Variants in SFTPA2 observed in about 807,000 individuals in gnomAD.
SFTPA2 encodes surfactant protein A2.
In SFTPA2, 21 loss-of-function variants were observed where a neutral mutation model predicts 20.3. The ratio of observed to expected loss-of-function variants is 1.03; its 90% CI spans 0.73 to 1.49. The LOEUF (loss-of-function observed/expected upper bound fraction) is 1.49, where lower values mean the gene tolerates loss of function less well. Ranked by LOEUF, SFTPA2 falls within the 40% of genes most tolerant of loss-of-function variation. The pLI, the probability that SFTPA2 is intolerant of heterozygous loss-of-function variation, is 0.00. For missense variants in SFTPA2, 302 were observed against 314.8 expected (o/e 0.96, Z 0.31); for synonymous variants, 116 against 118.7 (o/e 0.98, Z 0.15).
At position 79,560,373 on chromosome 10, in the gene SFTPA2, G is replaced by C. The variant is rs533230556; in HGVS notation, c.-63C>G. 3 of 152,390 alleles carry C rather than the reference G, an allele frequency of 2.0e-5. No homozygotes were observed. The highest frequency in any genetic ancestry group is 4.4e-5 in the Non-Finnish European group (3 of 68,232). The allele number at this position is 152,390 out of a possible 1,614,324, so 9.4% of individuals were successfully genotyped here. On this transcript the variant is annotated 5_prime_UTR_variant, in exon 1 of 6. Transcript: ENST00000372325. The stretch of plus-strand genomic sequence containing the variant: ...ATGTGGCTAAACTCACCCACACACA[G>C]AGCCTCCAGCTGCTTGGGTCTCTGC...
intron 1 of SFTPA2, 87 bp downstream of exon 1, chr10:79,560,277 C>T (rs901049364): frequency 1.9e-5 from 3 of 154,630 alleles, no homozygotes; most frequent in African/African-American, 7.2e-5. Flanking sequence ...CAACCTGGGC[C>T]TTGGTCAGGC....
chr10:79,559,429 C>T lies in SFTPA2; in HGVS notation c.55G>A (p.Ala19Thr). The T allele has an allele frequency of 6.2e-7, 1 of 1,613,668 alleles. No individual in the cohort carries two copies. The highest frequency in any genetic ancestry group is 1.3e-5 in the African/African-American group (1 of 74,940). Residue 19 changes from alanine to threonine, a missense_variant, in exon 3 of 6, where the codon GCG becomes ACG. Physicochemically the swap from Ala to Thr is moderately conservative, Grantham distance 58. This residue lies in a region of SFTPA2 where 31 missense variants were observed against 29.8 expected (regional missense o/e 1.04). Transcript: ENST00000372325. ...TLILMAASGA[A>T]CEVKDVCVGS... Reference sequence around the variant, plus strand: ...ACACAAACGTCCTTCACTTCGCACGCAGCACCAGAGGCTGCCATCAAGATG... The same window carrying T: ...ACACAAACGTCCTTCACTTCGCACGTAGCACCAGAGGCTGCCATCAAGATG...
Position 79,556,936 on chromosome 10 carries a change from C to T in SFTPA2, c.*273G>A, listed in dbSNP as rs549206934. ...CTGGACCAGATGGGGAATAAGGAGG[C>T]CTCCATCTCATGCCAAAGGCCAAGG... On this transcript the variant is annotated 3_prime_UTR_variant, in exon 6 of 6. Transcript: ENST00000372325. The T allele has an allele frequency of 1.8e-6, 1 of 550,524 alleles. No individual in the cohort carries two copies. The highest frequency in any genetic ancestry group is 3.2e-6 in the Non-Finnish European group (1 of 309,798). The allele number at this position is 550,524 out of a possible 1,614,324, so 34.1% of individuals were successfully genotyped here. A position where few individuals can be genotyped will look rare whatever the true frequency, so the allele number is the denominator to read the frequency against.
In SFTPA2 at chr10:79,560,038, C is replaced by CCCCA. The variant is rs1317026217; in HGVS notation, c.-53-41_-53-40insTGGG. The CCCCA allele has an allele frequency of 3.6e-6, 4 of 1,098,820 alleles. No homozygotes were observed. In the African/African-American group the frequency reaches 6.5e-5, roughly 18 times the overall value. 68.1% of individuals were successfully genotyped at this position (1,098,820 alleles called of 1,614,324 possible). Reference sequence around the variant, plus strand: ...AGATGAATAGGGCCCACAGCCTGGACCCTTCAAGGTGATCATCGGGGGGTG... The same window carrying CCCCA: ...AGATGAATAGGGCCCACAGCCTGGACCCCACCTTCAAGGTGATCATCGGGGGGTG... On this transcript the variant is annotated intron_variant, in intron 1 of 5. Transcript: ENST00000372325.
At chr10:79,558,716 A>T (rs572893621) in intron 4 of SFTPA2, among the ~76,000 whole-genome samples, 170 bp downstream of exon 4, 2 of 151,874 alleles carry the variant, frequency 1.3e-5, no homozygotes, top group East Asian at 1.9e-4. Flanking sequence ...TTGTGACCAC[A>T]CTCCCCAGAC....
chr10:79,560,181 C>G (rs1207763068), intron 1 of SFTPA2, 183 bp from the exon 2 acceptor site: 1 of 219,492 alleles, frequency 4.6e-6, no homozygotes, highest in Non-Finnish European at 7.8e-6. Context: ...AGGAAGATAT[C>G]AAAGCATGAG....
At position 79,558,898 on chromosome 10, in the gene SFTPA2, T is replaced by A. The variant is rs762303683; in HGVS notation, c.280A>T (p.Arg94Ter). The change falls in exon 4 of 6, where the codon AGA becomes TGA. Residue 94 changes from arginine to a stop codon, truncating the protein, a stop_gained. Coordinates refer to ENST00000372325, the MANE Select transcript of SFTPA2 (RefSeq NM_001098668.4). LOFTEE classifies it high-confidence loss of function. Reference sequence around the variant, plus strand: ...CCGCCCTGCTCACCTGGAGGGCCTCTCTCGCCAGCCTCCCCCTTCTCTCCA... The same window carrying A: ...CCGCCCTGCTCACCTGGAGGGCCTCACTCGCCAGCCTCCCCCTTCTCTCCA... ...ERGEKGEAGE[R>*]GPPGLPAHLD... 3 of 1,614,040 alleles carry A rather than the reference T, an allele frequency of 1.9e-6. No individual in the cohort carries two copies. In the South Asian group the frequency reaches 3.3e-5, roughly 18 times the overall value.
In SFTPA2 at chr10:79,557,145, G is replaced by A. The variant is rs1858831605; in HGVS notation, c.*64C>T. ...AGTTCTAGCATCTCACAGACCAAGTGGATCCTGGGGATGGAAACTGAAGGC... is the reference window on the plus strand; with the variant it reads ...AGTTCTAGCATCTCACAGACCAAGTAGATCCTGGGGATGGAAACTGAAGGC... On this transcript the variant is annotated 3_prime_UTR_variant, in exon 6 of 6. Coordinates refer to ENST00000372325, the MANE Select transcript of SFTPA2 (RefSeq NM_001098668.4). 1.2e-6 allele frequency: 2 copies of A among 1,613,506 alleles called. No individual in the cohort carries two copies. The highest frequency in any genetic ancestry group is 2.2e-5 in the South Asian group (2 of 90,996).
At position 79,559,280 on chromosome 10, in the gene SFTPA2, C is replaced by G. The variant is rs547163480; in HGVS notation, c.172+32G>C. 5.0e-6 allele frequency: 8 copies of G among 1,613,304 alleles called. No individual in the cohort carries two copies. The Admixed American group carries it at 1.2e-4, about 24-fold the overall frequency. ...GCCTCCTGAAAAGGGGTCTGTGTCC[C>G]TCAGCTGAGGGTGGGGTCTGCAGCA... On this transcript the variant is annotated intron_variant, in intron 3 of 5. Coordinates refer to ENST00000372325, the MANE Select transcript of SFTPA2 (RefSeq NM_001098668.4).
Position 79,557,266 on chromosome 10 carries a change from A to T in SFTPA2, c.690T>A (p.Asp230Glu). The change falls in exon 6 of 6, where the codon GAT becomes GAA. Residue 230 changes from aspartate (D) to glutamate (E), a missense_variant. Coordinates refer to ENST00000372325, the MANE Select transcript of SFTPA2 (RefSeq NM_001098668.4). ...GKEQCVEMYTDGQWNDRNCLY... is the reference protein window; with the variant it reads ...GKEQCVEMYTEGQWNDRNCLY... ...GGCAGTTCCTGTCATTCCACTGCCC[A>T]TCTGTGTACATCTCCACACACTGCT... is the stretch of plus-strand genomic sequence containing the variant. The T allele has an allele frequency of 6.2e-7, 1 of 1,614,146 alleles. No homozygotes were observed.
chr10:79,559,307 A>G lies in SFTPA2; in HGVS notation c.172+5T>C. On this transcript the variant is annotated splice_donor_5th_base_variant and intron_variant, in intron 3 of 5. Transcript: ENST00000372325. ...CAGCTGAGGGTGGGGTCTGCAGCAC[A>G]GTACCTGGAGGGCCAGGGTCTCCTT... 6.2e-7 allele frequency: 1 copy of G among 1,613,502 alleles called. No homozygotes were observed. Among genetic ancestry groups the G allele is most frequent in the Non-Finnish European group, 8.5e-7 (1 of 1,179,716 alleles).
Position 79,559,424 on chromosome 10 carries a change from G to T in SFTPA2, c.60C>A (p.Cys20Ter). Reference protein sequence around the residue: ...LILMAASGAACEVKDVCVGSP... With the variant: ...LILMAASGAA ...TTCCAACACAAACGTCCTTCACTTC[G>T]CACGCAGCACCAGAGGCTGCCATCA... The change falls in exon 3 of 6, where the codon TGC (cysteine) becomes TGA (stop). Residue 20 changes from cysteine (C) to a stop codon, truncating the protein, a stop_gained. Coordinates refer to ENST00000372325, the MANE Select transcript of SFTPA2 (RefSeq NM_001098668.4). LOFTEE classifies it high-confidence loss of function. 6.2e-7 allele frequency: 1 copy of T among 1,613,644 alleles called. No homozygotes were observed. The highest frequency in any genetic ancestry group is 1.3e-5 in the African/African-American group (1 of 74,930).
At position 79,559,643 on chromosome 10, in the gene SFTPA2, C is replaced by T. The variant is rs746982093; in HGVS notation, c.-23-137G>A. On this transcript the variant is annotated intron_variant, in intron 2 of 5. Transcript: ENST00000372325. ...ACCAGAGTGCTGGGAAGACCCGAAG[C>T]ACCCGGGAAAATTCCAAGCATCACC... The T allele has an allele frequency of 7.3e-5, 114 of 1,565,804 alleles. No individual in the cohort carries two copies. The Admixed American group carries it at 2.1e-3, about 29-fold the overall frequency.
At chr10:79,558,188 C>T (rs1396947569) in intron 4 of SFTPA2, 59 bp from the exon 5 acceptor site, 14 of 1,613,024 alleles carry the variant, frequency 8.7e-6, no homozygotes, top group Admixed American at 5.0e-5. Context: ...CCACTTGCTG[C>T]CACGCAGGCG....
At chr10:79,558,820 C>G in intron 4 of SFTPA2, 66 bp downstream of exon 4, 1 of 1,611,096 alleles carries the variant, frequency 6.2e-7, no homozygotes, top group Non-Finnish European at 8.5e-7. Flanking sequence ...CCCCATCACC[C>G]CTGTGTAACT....
rs769344999 is a variant in SFTPA2, at chr10:79,557,479, G to T, written c.477C>A (p.Gly159=). Residue 159 remains glycine, a synonymous_variant, in exon 6 of 6, where the codon GGC becomes GGA. Transcript: ENST00000372325. The part of the protein sequence containing the change: ...DAIQEACARA[G]GRIAVPRNPE... ...GATTCCTTGGGACAGCAATGCGGCC[G>T]CCTGCTCTGGCACATGCCTCCTGAA... 3.1e-5 allele frequency: 50 copies of T among 1,613,482 alleles called. No homozygotes were observed. The East Asian group carries it at 9.1e-4, about 29-fold the overall frequency.
In SFTPA2 at chr10:79,556,831, C is replaced by T; in HGVS notation, c.*378G>A. 5.2e-6 allele frequency: 2 copies of T among 387,504 alleles called. No individual in the cohort carries two copies. Among genetic ancestry groups the T allele is most frequent in the Non-Finnish European group, 9.4e-6 (2 of 212,076 alleles). 24.0% of individuals were successfully genotyped at this position (387,504 alleles called of 1,614,324 possible). A position where few individuals can be genotyped will look rare whatever the true frequency, so the allele number is the denominator to read the frequency against. On this transcript the variant is annotated 3_prime_UTR_variant, in exon 6 of 6. Coordinates refer to ENST00000372325, the MANE Select transcript of SFTPA2 (RefSeq NM_001098668.4). Reference sequence around the variant, plus strand: ...GGCTGCAGAGGCAGAGCTGAGGGGACCAGGAGGCAGGCACTCTGTGTGACT... The same window carrying T: ...GGCTGCAGAGGCAGAGCTGAGGGGATCAGGAGGCAGGCACTCTGTGTGACT...
At position 79,557,556 on chromosome 10, in the gene SFTPA2, C is replaced by T. The variant is rs559550018; in HGVS notation, c.400G>A (p.Val134Ile). 10 of 1,612,140 alleles carry T rather than the reference C, an allele frequency of 6.2e-6. No homozygotes were observed. The South Asian group carries it at 9.9e-5, about 16-fold the overall frequency. Reference protein sequence around the residue: ...ALSLQGSIMTVGEKVFSSNGQ... With the variant: ...ALSLQGSIMTIGEKVFSSNGQ... ...TTGCTGGAGAAGACCTTCTCTCCTA[C>T]TGTCATTATGGAGCCCTGCAGACTG... Residue 134 changes from valine (V) to isoleucine (I), a missense_variant, in exon 6 of 6, where the codon GTA becomes ATA. By Grantham distance (29) the Val-to-Ile change is conservative (BLOSUM62 3). Coordinates refer to ENST00000372325, the MANE Select transcript of SFTPA2 (RefSeq NM_001098668.4).
Position 79,557,414 on chromosome 10 carries a change from T to C in SFTPA2, c.542A>G (p.Tyr181Cys), listed in dbSNP as rs866707345. Residue 181 changes from tyrosine to cysteine, a missense_variant, in exon 6 of 6, where the codon TAC (tyrosine) becomes TGC (cysteine). By Grantham distance (194) the Tyr-to-Cys change is radical (BLOSUM62 -2). Around this residue, in one of 3 missense-constraint regions of SFTPA2, gnomAD observed 264 missense variants for 261.7 expected, o/e 1.01. Transcript: ENST00000372325. ...NEAIASFVKK[Y>C]NTYAYVGLTE... ...CAGGCCTACATAGGCATATGTGTTGTACTTCTTCACGAAGCTTGCAATGGC... is the reference window on the plus strand; with the variant it reads ...CAGGCCTACATAGGCATATGTGTTGCACTTCTTCACGAAGCTTGCAATGGC... 28 of 1,613,974 alleles carry C rather than the reference T, an allele frequency of 1.7e-5. No individual in the cohort carries two copies. In the Middle Eastern group the frequency reaches 4.1e-3, roughly 238 times the overall value.
Sources: gnomAD v4.1 joint callset for allele counts (sites outside exome capture counted in the v4.1 genomes callset) on GRCh38, gnomAD v4.1.1 for gene constraint, gnomAD v4.1.1 regional missense constraint, MANE v1.5 for transcripts, NCBI Gene and HGNC (gene_info 2026-07-23, HGNC 2026-07-21) for gene names.